WARS1: variants seen among roughly 807,000 people sequenced by gnomAD.
WARS1 encodes the protein tryptophan--tRNA ligase, cytoplasmic.
WARS1 carries 17 observed loss-of-function variants against 47.8 expected under a neutral mutation model. The observed-to-expected ratio is 0.36, with a 90% CI of 0.24 to 0.53. The LOEUF (loss-of-function observed/expected upper bound fraction) is 0.53, where lower values mean the gene tolerates loss of function less well. Ranked by LOEUF, WARS1 falls within the 20% of genes least tolerant of loss-of-function variation. The pLI is 0.91. For missense variants in WARS1, 434 were observed against 608.0 expected (o/e 0.71, Z 3.01); for synonymous variants, 208 against 228.1 (o/e 0.91, Z 0.79).
chr14:100,352,700 GGA>G (rs1458842264), intron 6 of WARS1, among the ~76,000 whole-genome samples: 2 of 152,134 alleles, frequency 1.3e-5, no homozygotes, highest in African/African-American at 4.8e-5. Flanking sequence ...CCATGCCTTA[GGA>G]GAGACCACGC....
intron 6 of WARS1, among the ~76,000 whole-genome samples, chr14:100,351,630 T>C (rs1361046831): frequency 6.6e-6 from 1 of 152,120 alleles, no homozygotes; most frequent in African/African-American, 2.4e-5. Flanking sequence ...TCCCTGTCTA[T>C]TTTCCTTCCT....
chr14:100,342,811 C>T (rs1894264234), intron 8 of WARS1, among the ~76,000 whole-genome samples: 1 of 152,058 alleles, frequency 6.6e-6, no homozygotes, highest in South Asian at 2.1e-4. Flanking sequence ...TGGTTTGCTG[C>T]ACCCATCAAC....
chr14:100,361,810 T>C lies in WARS1; in HGVS notation c.211A>G (p.Ser71Gly), dbSNP rs1468403668. Residue 71 changes from serine to glycine, a missense_variant, in exon 3 of 11, where the codon AGT (serine) becomes GGT (glycine). By Grantham distance (56) the Ser-to-Gly change is moderately conservative. Around this residue, in one of 2 missense-constraint regions of WARS1, gnomAD observed 347 missense variants for 523.8 expected, o/e 0.66. Coordinates refer to ENST00000392882, the MANE Select transcript of WARS1 (RefSeq NM_004184.4). Reference protein sequence around the residue: ...DCPPGNPAPTSNHGPDATEAE... With the variant: ...DCPPGNPAPTGNHGPDATEAE... ...TCTGTGGCATCTGGGCCATGATTAC[T>C]GGTAGGTGCTGGGTTCCCTGGAGGA... is the stretch of plus-strand genomic sequence containing the variant. 13 of 1,614,094 alleles carry C rather than the reference T, an allele frequency of 8.1e-6. No individual in the cohort carries two copies. The highest frequency in any genetic ancestry group is 8.5e-6 in the Non-Finnish European group (10 of 1,180,036).
At chr14:100,352,238 A>G (rs977373524) in intron 6 of WARS1, among the ~76,000 whole-genome samples, 3 of 149,708 alleles carry the variant, frequency 2.0e-5, no homozygotes, top group Non-Finnish European at 4.4e-5. Context: ...CAGCCTCCCA[A>G]GTAGCTGCAA....
intron 3 of WARS1, among the ~76,000 whole-genome samples, chr14:100,360,997 G>T (rs1566859219): frequency 7.3e-5 from 11 of 150,260 alleles, no homozygotes. Context: ...ATATAAATAG[G>T]TATATATATA....
chr14:100,336,820 G>T, intron 10 of WARS1: 1 of 451,228 alleles, frequency 2.2e-6, no homozygotes, highest in Non-Finnish European at 4.0e-6. Flanking sequence ...GACTAATAAA[G>T]CAAGACTGTT....
intron 4 of WARS1, among the ~76,000 whole-genome samples, chr14:100,357,495 C>G (rs1223261558): frequency 1.3e-5 from 2 of 149,774 alleles, no homozygotes; most frequent in African/African-American, 4.9e-5. Flanking sequence ...GAGTTTTGCT[C>G]TTTTTGCCCG....
chr14:100,358,199 C>G (rs1895447400), intron 4 of WARS1, among the ~76,000 whole-genome samples: 1 of 152,124 alleles, frequency 6.6e-6, no homozygotes, highest in Non-Finnish European at 1.5e-5. Flanking sequence ...GTGGCGCGAT[C>G]TCGGCTCACT....
rs757808150 is a variant in WARS1 at position 100,361,920 on chromosome 14, T to A, written c.101A>T (p.Asp34Val). The A allele has an allele frequency of 5.0e-6, 8 of 1,614,140 alleles. No individual in the cohort carries two copies. The highest frequency in any genetic ancestry group is 6.8e-6 in the Non-Finnish European group (8 of 1,179,992). ...RSLKAGNASKDEIDSAVKMLV... is the reference protein window; with the variant it reads ...RSLKAGNASKVEIDSAVKMLV... ...CATCTTTACTGCAGAATCAATTTCA[T>A]CCTGAGAGAGGAAATAAAAGGGATG... Residue 34 changes from aspartate to valine, a missense_variant and splice_region_variant, in exon 3 of 11, where the codon GAT becomes GTT. Coordinates refer to ENST00000392882, the MANE Select transcript of WARS1 (RefSeq NM_004184.4).
At chr14:100,364,035 G>A (rs188235104) in intron 2 of WARS1, among the ~76,000 whole-genome samples, 275 of 152,298 alleles carry the variant, frequency 1.8e-3, no homozygotes, top group Non-Finnish European at 3.1e-3. Flanking sequence ...GCTGAGGCGC[G>A]TGAGGGTGGC....
At chr14:100,360,951 T>C (rs1895624043) in intron 3 of WARS1, among the ~76,000 whole-genome samples, 1 of 152,198 alleles carries the variant, frequency 6.6e-6, no homozygotes, top group African/African-American at 2.4e-5. Context: ...GCAGTCCAGC[T>C]AGCAACTTTT....
At chr14:100,357,033 T>C (rs1459127772) in intron 4 of WARS1, among the ~76,000 whole-genome samples, 1 of 152,196 alleles carries the variant, frequency 6.6e-6, no homozygotes, top group Non-Finnish European at 1.5e-5. Context: ...TGATACACCA[T>C]ACTAATAAAA....
Position 100,361,860 on chromosome 14 carries a change from G to A in WARS1, c.161C>T (p.Ala54Val), listed in dbSNP as rs2234522. 41 of 1,614,110 alleles carry A rather than the reference G, an allele frequency of 2.5e-5. No homozygotes were observed. The African/African-American group carries it at 3.6e-4, about 14-fold the overall frequency. ...ACAGTCAGCCTTGTAATCCTCCCCC[G>A]CGGCAGCTTTGTAGCTCATTTTTAA... ...VSLKMSYKAA[A>V]GEDYKADCPP... The change falls in exon 3 of 11, where the codon GCG (alanine) becomes GTG (valine). Residue 54 changes from alanine (A) to valine (V), a missense_variant. Transcript: ENST00000392882.
At chr14:100,351,850 G>A (rs530756634) in intron 6 of WARS1, among the ~76,000 whole-genome samples, 13 of 151,968 alleles carry the variant, frequency 8.6e-5, no homozygotes, top group South Asian at 6.2e-4. Flanking sequence ...AAAATTAGCC[G>A]GACATGGTGG....
rs1054605078 is a variant in WARS1, at chr14:100,337,088, C to T, written c.1228G>A (p.Asp410Asn). ...TTCCTGATCTGCTCGAGCTTGTCGT[C>T]GTCCTCGAGGAAGAAGGTCAGGTAC... ...FMYLTFFLED[D>N]DKLEQIRKDY... The change falls in exon 10 of 11, where the codon GAC becomes AAC. Residue 410 changes from aspartate to asparagine, a missense_variant. Transcript: ENST00000392882. The T allele has an allele frequency of 3.1e-6, 5 of 1,613,960 alleles. No homozygotes were observed. Among genetic ancestry groups the T allele is most frequent in the South Asian group, 2.2e-5 (2 of 91,082 alleles).
intron 9 of WARS1, among the ~76,000 whole-genome samples, chr14:100,338,271 A>AT (rs1012914075): frequency 3.0e-4 from 44 of 147,222 alleles, no homozygotes; most frequent in Admixed American, 7.5e-4. Flanking sequence ...TGTCACCCTA[A>AT]TTTTTTTTTT....
At chr14:100,343,596 T>C (rs933101657) in intron 7 of WARS1, among the ~76,000 whole-genome samples, 4 of 152,218 alleles carry the variant, frequency 2.6e-5, no homozygotes, top group African/African-American at 7.2e-5. Context: ...CTATGCATTT[T>C]TGTTGTGATT....
chr14:100,357,776 A>G (rs1011804001), intron 4 of WARS1, among the ~76,000 whole-genome samples: 5 of 152,160 alleles, frequency 3.3e-5, no homozygotes, highest in African/African-American at 1.2e-4. Flanking sequence ...TTGTATTTCT[A>G]TATAGTAGCA....
rs552715686 is a variant in WARS1, at chr14:100,346,862, G to C, written c.726-16C>G. ...TGAGCTCATCCTGCAAAGACAACGA[G>C]AATGAAATCCCAAACGGAGGGCGGC... On this transcript the variant is annotated splice_polypyrimidine_tract_variant and intron_variant, in intron 6 of 10. Transcript: ENST00000392882. The C allele has an allele frequency of 6.2e-7, 1 of 1,607,454 alleles. No homozygotes were observed. Among genetic ancestry groups the C allele is most frequent in the African/African-American group, 1.3e-5 (1 of 74,930 alleles).
Sources: gnomAD v4.1 joint callset for allele counts (sites outside exome capture counted in the v4.1 genomes callset) on GRCh38, gnomAD v4.1.1 for gene constraint, gnomAD v4.1.1 regional missense constraint, MANE v1.5 for transcripts, NCBI Gene and HGNC (gene_info 2026-07-23, HGNC 2026-07-21) for gene names.